Variants in RAB27A observed in about 807,000 individuals in gnomAD.
RAB27A encodes RAB27A, member RAS oncogene family, also known as ras-related protein Rab-27A.
A neutral mutation model predicts 20.8 loss-of-function variants in RAB27A; 17 were observed. The ratio of observed to expected loss-of-function variants is 0.82; its 90% CI spans 0.56 to 1.23. The LOEUF (loss-of-function observed/expected upper bound fraction) is 1.23. Among genes scored for constraint, RAB27A ranks in the 50% most tolerant of loss-of-function variants. The probability of loss-of-function intolerance (pLI) is 0.00; values close to 1 mark genes in which losing one functional copy is unlikely to be tolerated. For missense variants in RAB27A, 277 were observed against 266.7 expected (o/e 1.04, Z -0.27); for synonymous variants, 85 against 92.8 (o/e 0.92, Z 0.48).
rs104894497 is a variant in RAB27A, at chr15:55,228,693, C to T, written c.259G>A (p.Ala87Thr). 5.6e-6 allele frequency: 9 copies of T among 1,613,508 alleles called. No individual in the cohort carries two copies. In the Admixed American group the frequency reaches 8.3e-5, roughly 15 times the overall value. The part of the protein sequence containing the change: ...GQERFRSLTT[A>T]FFRDAMGFLL... ...AAACCCATAGCATCTCTGAAGAACG[C>T]TGTCGTTAAGCTACGAAACCTAGGA... The change falls in exon 5 of 7, where the codon GCG becomes ACG. Residue 87 changes from alanine to threonine, a missense_variant. Physicochemically the swap from Ala to Thr is moderately conservative, Grantham distance 58. Coordinates refer to ENST00000336787, the MANE Select transcript of RAB27A (RefSeq NM_183235.3).
At chr15:55,252,925 G>C (rs1407309946) in intron 2 of RAB27A, among the ~76,000 whole-genome samples, 2 of 151,684 alleles carry the variant, frequency 1.3e-5, no homozygotes, top group Admixed American at 1.3e-4. Context: ...ACGAGGTCAA[G>C]AGATCGAGAC....
At chr15:55,267,866 A>G (rs1038517739) in intron 2 of RAB27A, among the ~76,000 whole-genome samples, 1 of 152,190 alleles carries the variant, frequency 6.6e-6, no homozygotes, top group Non-Finnish European at 1.5e-5. Flanking sequence ...CCGTGACGCC[A>G]TCCTGCCAGC....
intron 1 of RAB27A, among the ~76,000 whole-genome samples, chr15:55,287,836 C>A (rs1898198650): frequency 6.6e-6 from 1 of 151,968 alleles, no homozygotes; most frequent in South Asian, 2.1e-4. Context: ...ACTCACATAT[C>A]CTGATTTCAA....
chr15:55,205,716 G>C lies in RAB27A; in HGVS notation c.468-11C>G, dbSNP rs1894616786. 3 of 1,603,020 alleles carry C rather than the reference G, an allele frequency of 1.9e-6. No individual in the cohort carries two copies. In the South Asian group the frequency reaches 3.3e-5, roughly 18 times the overall value. ...TCAAAGTAGGGGATTCTGGAAGACA[G>C]AGACAACTGAGGTAACAACATGTGG... On this transcript the variant is annotated splice_polypyrimidine_tract_variant and intron_variant, in intron 6 of 6. Coordinates refer to ENST00000336787, the MANE Select transcript of RAB27A (RefSeq NM_183235.3).
At chr15:55,262,846 C>T (rs995706568) in intron 2 of RAB27A, among the ~76,000 whole-genome samples, 5 of 152,146 alleles carry the variant, frequency 3.3e-5, no homozygotes, top group Admixed American at 2.6e-4. Flanking sequence ...TGAGCCACCA[C>T]GCCCAGCCCA....
At chr15:55,318,986 T>G (rs974932117) in exon 1 of RAB27A, 1 of 435,002 alleles carries the variant, frequency 2.3e-6, no homozygotes, top group South Asian at 3.3e-5. Context: ...CCTGCTCCCC[T>G]CCAGAGACCG....
At chr15:55,209,330 C>A (rs1409391517) in intron 6 of RAB27A, among the ~76,000 whole-genome samples, 2 of 152,162 alleles carry the variant, frequency 1.3e-5, no homozygotes, top group Non-Finnish European at 2.9e-5. Context: ...ATTCTCCAAT[C>A]TACTCTCTAT....
chr15:55,252,036 G>A (rs1182858485), intron 2 of RAB27A, among the ~76,000 whole-genome samples: 2 of 152,072 alleles, frequency 1.3e-5, no homozygotes, highest in Non-Finnish European at 2.9e-5. Context: ...TTTCAGACAG[G>A]TGTTCAAAGT....
intron 2 of RAB27A, among the ~76,000 whole-genome samples, chr15:55,243,078 C>T (rs1411092269): frequency 6.6e-6 from 1 of 152,168 alleles, no homozygotes; most frequent in East Asian, 1.9e-4. Context: ...GTTGAGGGAT[C>T]TGTACTTCTG....
intron 5 of RAB27A, among the ~76,000 whole-genome samples, chr15:55,226,869 CAA>C (rs574861809): frequency 1.3e-4 from 8 of 63,316 alleles, no homozygotes; most frequent in Admixed American, 1.8e-4. Flanking sequence ...AACTCCATCT[CAA>C]AAAAAAAAAA....
intron 2 of RAB27A, among the ~76,000 whole-genome samples, chr15:55,266,595 G>T (rs1240452896): frequency 6.6e-6 from 1 of 152,184 alleles, no homozygotes; most frequent in Non-Finnish European, 1.5e-5. Context: ...AAGATGGTTT[G>T]AGAAGATGAT....
chr15:55,209,975 T>C (rs1268549459), intron 6 of RAB27A, among the ~76,000 whole-genome samples: 2 of 137,124 alleles, frequency 1.5e-5, no homozygotes, highest in African/African-American at 5.6e-5. Context: ...CGTATGTGTG[T>C]ACATGTACAT....
At chr15:55,314,471 G>A (rs973692006) in intron 1 of RAB27A, among the ~76,000 whole-genome samples, 1 of 152,152 alleles carries the variant, frequency 6.6e-6, no homozygotes, top group Non-Finnish European at 1.5e-5. Flanking sequence ...AGGAAGAGAG[G>A]AAGTCAAATT....
At chr15:55,315,459 A>T (rs972029830) in intron 1 of RAB27A, among the ~76,000 whole-genome samples, 3 of 152,190 alleles carry the variant, frequency 2.0e-5, no homozygotes, top group African/African-American at 7.2e-5. Context: ...CTATCGTGAG[A>T]GTGAACAGGC....
intron 1 of RAB27A, among the ~76,000 whole-genome samples, chr15:55,273,386 GC>G (rs1897763228): frequency 6.7e-6 from 1 of 149,822 alleles, no homozygotes; most frequent in African/African-American, 2.5e-5. Flanking sequence ...TCCAGCCTGG[GC>G]GACAGAGCGA....
intron 1 of RAB27A, among the ~76,000 whole-genome samples, chr15:55,287,328 A>G (rs1898183540): frequency 6.6e-6 from 1 of 152,218 alleles, no homozygotes; most frequent in Non-Finnish European, 1.5e-5. Flanking sequence ...GATGGAGAAG[A>G]CTAGGGGAAA....
intron 1 of RAB27A, among the ~76,000 whole-genome samples, chr15:55,276,756 A>C (rs1897884819): frequency 6.6e-6 from 1 of 152,174 alleles, no homozygotes; most frequent in South Asian, 2.1e-4. Flanking sequence ...TATAGCTAAT[A>C]ATACTGTATT....
intron 5 of RAB27A, among the ~76,000 whole-genome samples, chr15:55,225,234 A>G (rs12440420): frequency 0.35 from 53,002 of 152,034 alleles, 11,513 homozygotes; most frequent in African/African-American, 0.62. Context: ...GTCCATGCCC[A>G]GTGTCATGCT....
At chr15:55,213,513 T>C (rs931266857) in intron 6 of RAB27A, among the ~76,000 whole-genome samples, 2 of 152,198 alleles carry the variant, frequency 1.3e-5, no homozygotes, top group African/African-American at 4.8e-5. Context: ...CATGGCCTGT[T>C]AGCAACCAGG....
Sources: gnomAD v4.1 joint callset for allele counts (sites outside exome capture counted in the v4.1 genomes callset) on GRCh38, gnomAD v4.1.1 for gene constraint, MANE v1.5 for transcripts, NCBI Gene and HGNC (gene_info 2026-07-23, HGNC 2026-07-21) for gene names.